SCG3: variants seen among roughly 807,000 people sequenced by gnomAD.
The protein encoded by SCG3 is secretogranin III, also known as secretogranin-3.
Under a neutral mutation model 56.2 loss-of-function variants are expected in SCG3, and 38 were observed. The observed-to-expected ratio is 0.68, with a 90% CI of 0.52 to 0.89. The LOEUF is 0.89. Ranked by LOEUF, SCG3 falls within the 40% of genes least tolerant of loss-of-function variation. The pLI, the probability that SCG3 is intolerant of heterozygous loss-of-function variation, is 0.00. For missense variants in SCG3, 524 were observed against 540.7 expected (o/e 0.97, Z 0.31); for synonymous variants, 176 against 184.2 (o/e 0.96, Z 0.36).
At chr15:51,692,414 T>C (rs1051926351) in intron 7 of SCG3, 78 bp downstream of exon 7, 1 of 1,332,004 alleles carries the variant, frequency 7.5e-7, no homozygotes. Flanking sequence ...CTTTTCTTCC[T>C]GTTTTCAGTT....
chr15:51,682,667 C>T (rs1465222981), intron 2 of SCG3, 98 bp downstream of exon 2: 4 of 749,086 alleles, frequency 5.3e-6, no homozygotes, highest in African/African-American at 3.8e-5. Context: ...TTTGAATTTA[C>T]AAACATCAGG....
chr15:51,719,643 T>C lies in SCG3; in HGVS notation c.*117T>C. On this transcript the variant is annotated 3_prime_UTR_variant, in exon 12 of 12. Coordinates refer to ENST00000220478, the MANE Select transcript of SCG3 (RefSeq NM_013243.4). Reference sequence around the variant, plus strand: ...CCAAGGGTTATTAGAAAGTGCTGAATTTACAGTAGTTAACCTTTTACAAGT... The same window carrying C: ...CCAAGGGTTATTAGAAAGTGCTGAACTTACAGTAGTTAACCTTTTACAAGT... The C allele has an allele frequency of 1.5e-6, 1 of 658,816 alleles. No individual in the cohort carries two copies. Among genetic ancestry groups the C allele is most frequent in the Non-Finnish European group, 2.6e-6 (1 of 384,726 alleles). The allele number at this position is 658,816 out of a possible 1,614,324, so 40.8% of individuals were successfully genotyped here. A position where few individuals can be genotyped will look rare whatever the true frequency, so the allele number is the denominator to read the frequency against.
In SCG3 at chr15:51,720,967, C is replaced by G. The variant is rs1366526364; in HGVS notation, c.*1441C>G. ...GCCAGCAGCAGCAACCTGTTCAGGT[C>G]GCCTGCCGCTGTGGAAGCTTTGTCC... is the stretch of plus-strand genomic sequence containing the variant. On this transcript the variant is annotated 3_prime_UTR_variant, in exon 12 of 12. Coordinates refer to ENST00000220478, the MANE Select transcript of SCG3 (RefSeq NM_013243.4). 6.4e-6 allele frequency: 1 copy of G among 155,440 alleles called. No homozygotes were observed. Among genetic ancestry groups the G allele is most frequent in the Non-Finnish European group, 1.4e-5 (1 of 70,664 alleles). 9.6% of individuals were successfully genotyped at this position (155,440 alleles called of 1,614,324 possible).
rs1567224913 is a variant in SCG3 at position 51,719,448 on chromosome 15, A to G, written c.1329A>G (p.Gln443=). 1 of 1,614,120 alleles carries G rather than the reference A, an allele frequency of 6.2e-7. No individual in the cohort carries two copies. Among genetic ancestry groups the G allele is most frequent in the Non-Finnish European group, 8.5e-7 (1 of 1,179,964 alleles). Residue 443 remains glutamine (Q), a synonymous_variant, in exon 12 of 12, where the codon CAA becomes CAG. Coordinates refer to ENST00000220478, the MANE Select transcript of SCG3 (RefSeq NM_013243.4). The part of the protein sequence containing the change: ...LSKMRDFINK[Q]ADAYVEKGIL... Reference sequence around the variant, plus strand: ...AGATGAGAGACTTCATCAATAAACAAGCTGATGCTTATGTGGAGAAAGGCA... The same window carrying G: ...AGATGAGAGACTTCATCAATAAACAGGCTGATGCTTATGTGGAGAAAGGCA...
At chr15:51,708,295 A>G (rs2055388742) in intron 10 of SCG3, 1 of 152,266 alleles carries the variant, frequency 6.6e-6, no homozygotes, top group South Asian at 2.1e-4. Flanking sequence ...AAAAGTCAAT[A>G]TGAGCCAGCT....
At chr15:51,693,174 A>T (rs1452279443) in intron 7 of SCG3, 3 of 152,194 alleles carry the variant, frequency 2.0e-5, no homozygotes, top group Non-Finnish European at 2.9e-5. Context: ...TTATTAGCAT[A>T]CATGTTGTCA....
At chr15:51,692,373 A>G in intron 7 of SCG3, 37 bp downstream of exon 7, 5 of 1,567,906 alleles carry the variant, frequency 3.2e-6, no homozygotes, top group Non-Finnish European at 4.3e-6. Flanking sequence ...TGGAACAGAA[A>G]GAGTGATTCC....
At chr15:51,687,482 C>T (rs943780434) in intron 4 of SCG3, among the ~76,000 whole-genome samples, 1 of 152,162 alleles carries the variant, frequency 6.6e-6, no homozygotes, top group African/African-American at 2.4e-5. Flanking sequence ...AGGATGGGCC[C>T]TTACTTTAGT....
At chr15:51,686,492 T>C (rs532666496) in intron 4 of SCG3, among the ~76,000 whole-genome samples, 1 of 152,322 alleles carries the variant, frequency 6.6e-6, no homozygotes, top group South Asian at 2.1e-4. Flanking sequence ...TCCTGAGGGA[T>C]AGATAAGTGG....
chr15:51,720,898 A>G lies in SCG3; in HGVS notation c.*1372A>G. 1 of 173,144 alleles carries G rather than the reference A, an allele frequency of 5.8e-6. No individual in the cohort carries two copies. Among genetic ancestry groups the G allele is most frequent in the Non-Finnish European group, 1.2e-5 (1 of 85,022 alleles). 10.7% of individuals were successfully genotyped at this position (173,144 alleles called of 1,614,324 possible). ...GGGCACTCTGATAGGGCAAAAACGG[A>G]ACATGGGAGGGGACAAATAAGGGAA... is the stretch of plus-strand genomic sequence containing the variant. On this transcript the variant is annotated 3_prime_UTR_variant, in exon 12 of 12. Coordinates refer to ENST00000220478, the MANE Select transcript of SCG3 (RefSeq NM_013243.4).
intron 11 of SCG3, among the ~76,000 whole-genome samples, chr15:51,714,901 T>C (rs1259139177): frequency 1.3e-5 from 2 of 152,246 alleles, no homozygotes; most frequent in East Asian, 1.9e-4. Context: ...TCATCGAATC[T>C]GTCATTGATT....
intron 10 of SCG3, among the ~76,000 whole-genome samples, chr15:51,705,371 G>T (rs1375851548): frequency 6.6e-6 from 1 of 152,174 alleles, no homozygotes; most frequent in Non-Finnish European, 1.5e-5. Flanking sequence ...TAAAAGAGAT[G>T]ATTCTCTGTA....
At chr15:51,706,270 C>A (rs996796679) in intron 10 of SCG3, among the ~76,000 whole-genome samples, 1 of 152,172 alleles carries the variant, frequency 6.6e-6, no homozygotes, top group Non-Finnish European at 1.5e-5. Context: ...GCATGCCTAG[C>A]GCTGTGCTTA....
chr15:51,709,138 G>A (rs1025168071), intron 10 of SCG3, among the ~76,000 whole-genome samples: 3 of 152,170 alleles, frequency 2.0e-5, no homozygotes, highest in Non-Finnish European at 4.4e-5. Context: ...TGGCGGAAGG[G>A]GAAACAAACA....
In SCG3 at chr15:51,692,143, T is replaced by C. The variant is rs2055271318; in HGVS notation, c.691-16T>C. 2 of 1,576,054 alleles carry C rather than the reference T, an allele frequency of 1.3e-6. No individual in the cohort carries two copies. Among genetic ancestry groups the C allele is most frequent in the African/African-American group, 2.7e-5 (2 of 72,944 alleles). ...TAACAAAATGTTCATTTTTTATTGATTTTTCCCCACTGGAGACTCCAATGG... is the reference window on the plus strand; with the variant it reads ...TAACAAAATGTTCATTTTTTATTGACTTTTCCCCACTGGAGACTCCAATGG... On this transcript the variant is annotated splice_polypyrimidine_tract_variant and intron_variant, in intron 6 of 11. Transcript: ENST00000220478.
chr15:51,701,171 G>A lies in SCG3; in HGVS notation c.1134G>A (p.Lys378=), dbSNP rs777609578. 6.2e-7 allele frequency: 1 copy of A among 1,613,368 alleles called. No homozygotes were observed. The highest frequency in any genetic ancestry group is 1.3e-5 in the African/African-American group (1 of 74,826). ...STKEEAAKME[K]EYGSLKDSTK... ...AGGAAGAAGCAGCTAAGATGGAAAA[G>A]GAATATGGAAGCTTGAAGGATTCCA... is the stretch of plus-strand genomic sequence containing the variant. The change falls in exon 10 of 12, where the codon AAG becomes AAA. Residue 378 remains lysine, a synonymous_variant. Coordinates refer to ENST00000220478, the MANE Select transcript of SCG3 (RefSeq NM_013243.4).
chr15:51,704,440 A>T (rs1254512887), intron 10 of SCG3, among the ~76,000 whole-genome samples: 1 of 150,702 alleles, frequency 6.6e-6, no homozygotes, highest in African/African-American at 2.4e-5. Flanking sequence ...TGCAAAACTG[A>T]AACTCTGTAC....
chr15:51,695,838 C>G, intron 7 of SCG3, 37 bp from the exon 8 acceptor site: 2 of 1,059,064 alleles, frequency 1.9e-6, no homozygotes, highest in African/African-American at 1.6e-5. Context: ...AGGAAGCTAT[C>G]CCCCACAGTT....
chr15:51,689,076 G>C, intron 5 of SCG3, 143 bp from the exon 6 acceptor site: 1 of 854,022 alleles, frequency 1.2e-6, no homozygotes, highest in East Asian at 2.4e-5. Flanking sequence ...ATGTGGTGCA[G>C]GCGTAAGTGA....
Sources: gnomAD v4.1 joint callset for allele counts (sites outside exome capture counted in the v4.1 genomes callset) on GRCh38, gnomAD v4.1.1 for gene constraint, MANE v1.5 for transcripts, NCBI Gene and HGNC (gene_info 2026-07-23, HGNC 2026-07-21) for gene names.